Variants in KAZN observed in about 807,000 individuals in gnomAD.
KAZN encodes the protein kazrin, periplakin interacting protein.
KAZN carries 40 observed loss-of-function variants against 87.4 expected under a neutral mutation model. The observed-to-expected ratio is 0.46, with a 90% CI of 0.36 to 0.60. KAZN has a LOEUF of 0.60. Ranked by LOEUF, KAZN falls within the 20% of genes least tolerant of loss-of-function variation. The pLI is 0.00. For synonymous variants in KAZN, 466 were observed against 458.3 expected, an observed-to-expected ratio of 1.02 and a Z score of -0.22; for missense variants, 898 against 1,073.9, an observed-to-expected ratio of 0.84 and a Z score of 2.29.
intron 2 of KAZN, among the ~76,000 whole-genome samples, chr1:14,326,175 TC>T (rs1242909495): frequency 2.0e-5 from 3 of 152,094 alleles, no homozygotes; most frequent in African/African-American, 7.2e-5. Context: ...AATTCTAGTT[TC>T]ATCTCTCATG....
At chr1:14,753,475 C>T (rs1400975273) in intron 1 of KAZN, among the ~76,000 whole-genome samples, 1 of 151,872 alleles carries the variant, frequency 6.6e-6, no homozygotes, top group African/African-American at 2.4e-5. Context: ...ACCTATAATC[C>T]CAACACTTTG....
chr1:14,192,344 G>T (rs1557549894), intron 2 of KAZN, among the ~76,000 whole-genome samples: 4 of 152,110 alleles, frequency 2.6e-5, no homozygotes, highest in African/African-American at 9.7e-5. Flanking sequence ...TTCCATACTT[G>T]GTTAGCCACA....
At chr1:13,923,281 A>G (rs939585947) in intron 1 of KAZN, among the ~76,000 whole-genome samples, 4 of 152,196 alleles carry the variant, frequency 2.6e-5, no homozygotes, top group East Asian at 1.9e-4. Flanking sequence ...TAAAGAAAAT[A>G]TAATTACCAT....
At position 14,534,783 on chromosome 1, in the gene KAZN, G is replaced by A. The variant is rs368681916; in HGVS notation, c.250-64200G>A. Among the ~76,000 whole-genome samples the A allele has an allele frequency of 3.9e-5, 6 of 152,242 alleles. 1 individual carries two copies. Among genetic ancestry groups the A allele is most frequent in the Middle Eastern group, 6.8e-3 (2 of 294 alleles). ...GCCAGTGATAAGGGTTTTAGGCCAC[G>A]GAATCTTTAGCAAGTCCCTGTGCAA... On this transcript the variant is annotated intron_variant, in intron 2 of 16. Transcript: ENST00000636203.
In KAZN at chr1:14,773,658, G is replaced by A. The variant is rs1645085309; in HGVS notation, c.226+174435G>A. 6.6e-6 allele frequency among the ~76,000 whole-genome samples: 1 copy of A among 152,144 alleles called. No individual in the cohort carries two copies. The highest frequency in any genetic ancestry group is 2.4e-5 in the African/African-American group (1 of 41,446). On this transcript the variant is annotated intron_variant, in intron 1 of 14. Coordinates refer to ENST00000376030, the MANE Select transcript of KAZN (RefSeq NM_201628.3). This position sits in a 1 kb window ranked among gnomAD's most constrained non-coding sequence, Gnocchi z 5.9. ...CTCCTTCTTCCTCTTCTAAAACACT[G>A]CAACCACCATAGCCAGTGCCTCTAT...
intron 1 of KAZN, among the ~76,000 whole-genome samples, chr1:14,061,119 G>C (rs1642776164): frequency 6.6e-6 from 1 of 152,214 alleles, no homozygotes; most frequent in Non-Finnish European, 1.5e-5. Flanking sequence ...AACTCTGTGA[G>C]TGTCCAGCAA....
intron 2 of KAZN, among the ~76,000 whole-genome samples, chr1:14,240,000 T>C (rs900082789): frequency 6.6e-6 from 1 of 152,158 alleles, no homozygotes; most frequent in South Asian, 2.1e-4. Context: ...TAGATTGAGT[T>C]GTGTATCAGA....
At chr1:14,796,576 G>A (rs1387450353) in intron 1 of KAZN, among the ~76,000 whole-genome samples, 3 of 152,198 alleles carry the variant, frequency 2.0e-5, no homozygotes, top group East Asian at 1.9e-4. Context: ...TCCAGGATGC[G>A]TTTCTGTTAC....
chr1:15,056,032 G>T lies in KAZN; in HGVS notation c.727-59G>T. 1 of 1,523,442 alleles carries T rather than the reference G, an allele frequency of 6.6e-7. No homozygotes were observed. Among genetic ancestry groups the T allele is most frequent in the Non-Finnish European group, 9.0e-7 (1 of 1,113,484 alleles). The allele number at this position is 1,523,442 out of a possible 1,614,324, so 94.4% of individuals were successfully genotyped here. On this transcript the variant is annotated intron_variant, in intron 4 of 14. Coordinates refer to ENST00000376030, the MANE Select transcript of KAZN (RefSeq NM_201628.3). This position sits in a 1 kb window ranked among gnomAD's most constrained non-coding sequence, Gnocchi z 5.4. ...CCATGGCGGTGGGTGGTGCCAAGCAGCTGGCCAAGAGTTCCCCTTGATCAT... is the reference window on the plus strand; with the variant it reads ...CCATGGCGGTGGGTGGTGCCAAGCATCTGGCCAAGAGTTCCCCTTGATCAT...
At chr1:14,198,041 A>T (rs143659977) in intron 2 of KAZN, among the ~76,000 whole-genome samples, 274 of 152,076 alleles carry the variant, frequency 1.8e-3, no homozygotes, top group African/African-American at 6.5e-3. Context: ...TAGTAGTAGT[A>T]GTTGTTGTAG....
intron 4 of KAZN, among the ~76,000 whole-genome samples, chr1:15,046,266 C>G (rs1483493687): frequency 2.1e-5 from 3 of 140,236 alleles, no homozygotes; most frequent in African/African-American, 8.3e-5. Context: ...CCGCTGCACT[C>G]CAGCCTGGGC....
intron 2 of KAZN, among the ~76,000 whole-genome samples, chr1:14,304,281 T>A (rs984496316): frequency 1.3e-5 from 2 of 152,130 alleles, no homozygotes; most frequent in African/African-American, 2.4e-5. Flanking sequence ...TCATCCAACA[T>A]CTCCAAAGGA....
At chr1:14,512,752 G>A (rs1003777885) in intron 2 of KAZN, among the ~76,000 whole-genome samples, 2 of 152,118 alleles carry the variant, frequency 1.3e-5, no homozygotes, top group Admixed American at 1.3e-4. Context: ...GTTTATGAGC[G>A]AAATTAAGAT....
intron 1 of KAZN, among the ~76,000 whole-genome samples, chr1:14,643,292 G>T (rs1325637559): frequency 6.6e-6 from 1 of 152,110 alleles, no homozygotes; most frequent in Non-Finnish European, 1.5e-5. Flanking sequence ...CCACCCAATA[G>T]TTATCCTTTC....
At chr1:15,013,311 C>T (rs1045220921) in intron 2 of KAZN, among the ~76,000 whole-genome samples, 2 of 152,020 alleles carry the variant, frequency 1.3e-5, no homozygotes, top group African/African-American at 2.4e-5. Flanking sequence ...ACCCCCGTTT[C>T]GTTTATATTC....
At chr1:13,935,354 T>C (rs1200914986) in intron 1 of KAZN, among the ~76,000 whole-genome samples, 2 of 152,206 alleles carry the variant, frequency 1.3e-5, no homozygotes, top group African/African-American at 4.8e-5. Context: ...TCTCATTTTA[T>C]GATGCAGAAA....
chr1:15,046,810 C>G (rs1673602571), intron 4 of KAZN, among the ~76,000 whole-genome samples: 1 of 152,220 alleles, frequency 6.6e-6, no homozygotes, highest in South Asian at 2.1e-4. Context: ...ATACTGGAGG[C>G]CCTGCTGCTG....
chr1:15,032,210 T>C (rs1573117544), intron 2 of KAZN, among the ~76,000 whole-genome samples: 1 of 125,986 alleles, frequency 7.9e-6, no homozygotes, highest in East Asian at 2.3e-4. Context: ...TTTTTTTTTT[T>C]GAGACAGAAT....
chr1:14,868,553 C>A (rs559096374), intron 1 of KAZN, among the ~76,000 whole-genome samples: 1 of 151,938 alleles, frequency 6.6e-6, no homozygotes. Context: ...AATGTCTAAC[C>A]ATTACCACTT....
Sources: allele counts gnomAD v4.1 joint callset (sites outside exome capture counted in the v4.1 genomes callset), GRCh38; gene constraint gnomAD v4.1.1; non-coding constraint Gnocchi (gnomAD v3.1); transcripts MANE v1.5; gene names NCBI Gene and HGNC (gene_info 2026-07-23, HGNC 2026-07-21).